Variants in LARS2 observed in about 807,000 individuals in gnomAD.
LARS2 encodes leucine--tRNA ligase, mitochondrial.
A neutral mutation model predicts 116.6 loss-of-function variants in LARS2; 81 were observed. The ratio of observed to expected loss-of-function variants is 0.69; its 90% CI spans 0.58 to 0.84. The LOEUF (loss-of-function observed/expected upper bound fraction) is 0.84, where lower values mean the gene tolerates loss of function less well. Among genes scored for constraint, LARS2 ranks in the 40% least tolerant of loss-of-function variants. The pLI, the probability that LARS2 is intolerant of heterozygous loss-of-function variation, is 0.00. For synonymous variants in LARS2, 396 were observed against 407.2 expected (o/e 0.97, Z 0.33); for missense variants, 968 against 1,114.5 (o/e 0.87, Z 1.87).
intron 4 of LARS2, among the ~76,000 whole-genome samples, chr3:45,406,105 A>G (rs1267662826): frequency 6.6e-6 from 1 of 152,176 alleles, no homozygotes; most frequent in Non-Finnish European, 1.5e-5. Context: ...TTATTGATGT[A>G]AAAGTATACA....
At position 45,533,856 on chromosome 3, in the gene LARS2, CTT is replaced by C. The variant is rs561374060; in HGVS notation, c.2405-7971_2405-7970del. ...GTGGTAGAAACTAGCCCATTTCAAA[CTT>C]TGCACCGTGATTTTTCTACACGTCA... On this transcript the variant is annotated intron_variant, in intron 20 of 21. Transcript: ENST00000645846. Among the ~76,000 whole-genome samples the C allele has an allele frequency of 9.8e-5, 15 of 152,308 alleles. No homozygotes were observed. In the East Asian group the frequency reaches 2.7e-3, roughly 27 times the overall value.
chr3:45,427,917 A>G (rs1368416467), intron 6 of LARS2, among the ~76,000 whole-genome samples: 2 of 147,926 alleles, frequency 1.4e-5, no homozygotes, highest in Non-Finnish European at 3.0e-5. Flanking sequence ...TGCCTCCCTC[A>G]TTGAAGCAAT....
chr3:45,471,186 T>C (rs565246603), intron 8 of LARS2, among the ~76,000 whole-genome samples: 2 of 152,004 alleles, frequency 1.3e-5, no homozygotes, highest in African/African-American at 2.4e-5. Flanking sequence ...CAGCCCAGGA[T>C]TGAAGGAAAG....
intron 13 of LARS2, chr3:45,495,536 A>C (rs967162357): frequency 6.6e-6 from 1 of 152,224 alleles, no homozygotes; most frequent in Non-Finnish European, 1.5e-5. Context: ...GAAAAATCCA[A>C]GTTGATTTTC....
chr3:45,523,977 T>C lies in LARS2; in HGVS notation c.2293-20T>C. On this transcript the variant is annotated intron_variant, in intron 19 of 21. Transcript: ENST00000645846. The stretch of plus-strand genomic sequence containing the variant: ...TATTTTTACACCTCAGTCTTCTTAC[T>C]TTTTTTTCCTCTTCCTTAGCAAGCC... 1 of 1,568,936 alleles carries C rather than the reference T, an allele frequency of 6.4e-7. No individual in the cohort carries two copies. The highest frequency in any genetic ancestry group is 1.1e-5 in the South Asian group (1 of 89,980).
At chr3:45,507,849 G>T (rs78365007) in intron 15 of LARS2, among the ~76,000 whole-genome samples, 3,372 of 152,106 alleles carry the variant, frequency 0.022, 99 homozygotes, top group African/African-American at 0.069. Flanking sequence ...TACAATGATT[G>T]TGTAACTTTA....
chr3:45,539,389 G>A (rs1700756904), intron 20 of LARS2, among the ~76,000 whole-genome samples: 1 of 152,210 alleles, frequency 6.6e-6, no homozygotes, highest in Non-Finnish European at 1.5e-5. Flanking sequence ...CCAGCACTTT[G>A]GGAGGCTGAG....
At chr3:45,433,051 T>C (rs948535217) in intron 6 of LARS2, among the ~76,000 whole-genome samples, 6 of 152,102 alleles carry the variant, frequency 3.9e-5, no homozygotes, top group Non-Finnish European at 5.9e-5. Flanking sequence ...CCACTTCTTT[T>C]AACTTACTTC....
intron 4 of LARS2, among the ~76,000 whole-genome samples, chr3:45,401,089 G>C (rs994122922): frequency 6.6e-6 from 1 of 152,182 alleles, no homozygotes; most frequent in Admixed American, 6.5e-5. Flanking sequence ...GTGATTACAG[G>C]TGTGAGCCAC....
intron 6 of LARS2, among the ~76,000 whole-genome samples, chr3:45,428,481 G>A (rs985573366): frequency 1.1e-4 from 16 of 150,010 alleles, no homozygotes; most frequent in African/African-American, 3.2e-4. Context: ...TCCTGACCTC[G>A]TGATCCACCC....
chr3:45,454,425 A>G (rs978775302), intron 7 of LARS2, among the ~76,000 whole-genome samples: 4 of 106,200 alleles, frequency 3.8e-5, no homozygotes, highest in Non-Finnish European at 9.5e-5. Context: ...TAACCCTTTA[A>G]TAAGTGGGGA....
intron 6 of LARS2, 85 bp downstream of exon 6, chr3:45,419,814 G>A: frequency 9.1e-7 from 1 of 1,093,424 alleles, no homozygotes; most frequent in Non-Finnish European, 1.4e-6. Context: ...TTTGAGTTGG[G>A]AGAAGGCAAG....
chr3:45,412,577 A>C (rs548569822), intron 4 of LARS2, among the ~76,000 whole-genome samples: 8 of 152,328 alleles, frequency 5.3e-5, no homozygotes, highest in African/African-American at 1.9e-4. Context: ...AAAAAACATC[A>C]ACTTATGTAA....
chr3:45,497,836 G>A (rs1700043261), intron 14 of LARS2, among the ~76,000 whole-genome samples: 2 of 152,046 alleles, frequency 1.3e-5, no homozygotes, highest in African/African-American at 4.8e-5. Flanking sequence ...GAACCCGGGA[G>A]GCAGAGGTTG....
At chr3:45,435,657 T>C (rs575785423) in intron 6 of LARS2, among the ~76,000 whole-genome samples, 2 of 152,180 alleles carry the variant, frequency 1.3e-5, no homozygotes, top group Admixed American at 6.5e-5. Flanking sequence ...CTCTCTTCTT[T>C]CTTTTTCTTT....
At chr3:45,491,888 ACT>A (rs1699923339) in intron 13 of LARS2, 88 bp downstream of exon 13, 2 of 1,279,056 alleles carry the variant, frequency 1.6e-6, no homozygotes, top group African/African-American at 2.9e-5. Context: ...CCTGGTGCTA[ACT>A]CTGCTCCCTT....
At chr3:45,543,007 C>A (rs1470575668) in intron 21 of LARS2, among the ~76,000 whole-genome samples, 1 of 152,272 alleles carries the variant, frequency 6.6e-6, no homozygotes, top group Admixed American at 6.5e-5. Flanking sequence ...GGCCCTGGCC[C>A]CTCTGCACCT....
chr3:45,489,160 CATT>C (rs1699868186), intron 12 of LARS2, among the ~76,000 whole-genome samples: 1 of 152,168 alleles, frequency 6.6e-6, no homozygotes, highest in Non-Finnish European at 1.5e-5. Context: ...AGATTACTGA[CATT>C]ATTTCTGCCT....
chr3:45,494,968 T>TGA (rs762584404), intron 13 of LARS2, among the ~76,000 whole-genome samples: 15 of 152,184 alleles, frequency 9.9e-5, no homozygotes, highest in Non-Finnish European at 2.1e-4. Context: ...CTCAGGAGGC[T>TGA]GAGGCAGGAG....
Sources: allele counts gnomAD v4.1 joint callset (sites outside exome capture counted in the v4.1 genomes callset), GRCh38; gene constraint gnomAD v4.1.1; transcripts MANE v1.5; gene names NCBI Gene and HGNC (gene_info 2026-07-23, HGNC 2026-07-21).